Variants in PGBD5 observed in about 807,000 individuals in gnomAD.
The protein encoded by PGBD5 is piggyBac transposable element-derived protein 5.
PGBD5 carries 14 observed loss-of-function variants against 47.9 expected under a neutral mutation model. The observed-to-expected ratio is 0.29, with a 90% CI of 0.19 to 0.46. PGBD5 has a LOEUF of 0.46. PGBD5 is among the 20% of genes least tolerant of loss of function. PGBD5 has a pLI of 1.00. For synonymous variants in PGBD5, 316 were observed against 306.3 expected (o/e 1.03, Z -0.33); for missense variants, 635 against 716.0 (o/e 0.89, Z 1.29).
At chr1:230,387,448 A>G (rs1656666963) in intron 1 of PGBD5, among the ~76,000 whole-genome samples, 1 of 152,178 alleles carries the variant, frequency 6.6e-6, no homozygotes. Flanking sequence ...GGCTTGGGGA[A>G]GCGCCTGTGG....
chr1:230,366,850 A>G (rs962372653), intron 1 of PGBD5, among the ~76,000 whole-genome samples: 4 of 152,186 alleles, frequency 2.6e-5, no homozygotes, highest in Non-Finnish European at 5.9e-5. Flanking sequence ...GCCGACGTAC[A>G]GATGGCTGTT....
chr1:230,373,514 T>C (rs1359330950), intron 1 of PGBD5, among the ~76,000 whole-genome samples: 1 of 152,132 alleles, frequency 6.6e-6, no homozygotes, highest in East Asian at 1.9e-4. Flanking sequence ...AAGACACTGT[T>C]TCTCCCCAAA....
intron 1 of PGBD5, among the ~76,000 whole-genome samples, chr1:230,370,495 G>C (rs828440): frequency 0.71 from 108,708 of 152,118 alleles, 39,268 homozygotes; most frequent in Non-Finnish European, 0.74. Context: ...TTTATGTGCA[G>C]GCTTGTGTTC....
Position 230,323,337 on chromosome 1 carries a change from C to G in PGBD5, c.*88G>C. Reference sequence around the variant, plus strand: ...CCAGGCAGCAAGCCACACACCAGGCCGTGTCCGGGTCTCTGATGGGCAAGT... The same window carrying G: ...CCAGGCAGCAAGCCACACACCAGGCGGTGTCCGGGTCTCTGATGGGCAAGT... On this transcript the variant is annotated 3_prime_UTR_variant, in exon 7 of 7. Coordinates refer to ENST00000391860, the MANE Select transcript of PGBD5 (RefSeq NM_001258311.2). The surrounding 1 kb of genome is among the most constrained non-coding windows in gnomAD (Gnocchi z 4.1). The G allele has an allele frequency of 2.0e-6, 3 of 1,476,296 alleles. No homozygotes were observed. Among genetic ancestry groups the G allele is most frequent in the Admixed American group, 3.9e-5 (2 of 51,420 alleles). 91.4% of individuals were successfully genotyped at this position (1,476,296 alleles called of 1,614,324 possible).
chr1:230,377,603 G>C lies in PGBD5; in HGVS notation c.332-20282C>G, dbSNP rs149364273. 4.5e-5 allele frequency: 70 copies of C among 1,562,360 alleles called. 1 individual carries two copies. The East Asian group carries it at 1.3e-3, about 28-fold the overall frequency. ...AGAGTACTTTGCACGAAGAGAGCTC[G>C]AGTTCTGTAGTCAGGCATATCTGAC... On this transcript the variant is annotated intron_variant, in intron 1 of 6. Transcript: ENST00000391860.
chr1:230,419,774 T>A (rs1657606607), intron 1 of PGBD5, among the ~76,000 whole-genome samples: 1 of 152,190 alleles, frequency 6.6e-6, no homozygotes. Context: ...GCAAAATCCT[T>A]ACCTCAATAT....
intron 1 of PGBD5, among the ~76,000 whole-genome samples, chr1:230,398,264 A>G (rs1236720369): frequency 6.6e-6 from 1 of 152,194 alleles, no homozygotes; most frequent in African/African-American, 2.4e-5. Flanking sequence ...GAACTTTATT[A>G]TCTCACAGTG....
chr1:230,408,128 G>C (rs956022601), intron 1 of PGBD5, among the ~76,000 whole-genome samples: 1 of 151,888 alleles, frequency 6.6e-6, no homozygotes, highest in Non-Finnish European at 1.5e-5. Context: ...ATGTGTGGTA[G>C]AGTGACTACA....
At chr1:230,327,375 GC>G (rs1368575808) in intron 5 of PGBD5, among the ~76,000 whole-genome samples, 1 of 152,212 alleles carries the variant, frequency 6.6e-6, no homozygotes, top group Non-Finnish European at 1.5e-5. Flanking sequence ...AGGGACCGTG[GC>G]TGAGGAGACC....
chr1:230,360,521 G>A (rs1014605502), intron 1 of PGBD5, among the ~76,000 whole-genome samples: 11 of 152,082 alleles, frequency 7.2e-5, no homozygotes, highest in East Asian at 1.9e-4. Context: ...TCATGGGGGC[G>A]GGTCCCCCAT....
rs1273388072 is a variant in PGBD5 at position 230,323,183 on chromosome 1, G to C, written c.*242C>G. On this transcript the variant is annotated 3_prime_UTR_variant, in exon 7 of 7. Transcript: ENST00000391860. The surrounding 1 kb of genome is among the most constrained non-coding windows in gnomAD (Gnocchi z 4.1). ...AGAATCTGCCCTTGAGAACGTGGGT[G>C]TAAGTGCTCATCACACCGGCGGCAC... 1 of 525,250 alleles carries C rather than the reference G, an allele frequency of 1.9e-6. No homozygotes were observed. The highest frequency in any genetic ancestry group is 3.4e-6 in the Non-Finnish European group (1 of 295,738). 32.5% of individuals were successfully genotyped at this position (525,250 alleles called of 1,614,324 possible).
In PGBD5 at chr1:230,325,355, G is replaced by C. The variant is rs1269104887; in HGVS notation, c.1334C>G (p.Ala445Gly). ...TCTGCAGATGTAGCTCAGGTGAGCG[G>C]CAAACGCCTCCACGGCCAAGGGGCA... ...IPCPLAVEAF[A>G]AHLSYICRYD... Residue 445 changes from alanine (A) to glycine (G), a missense_variant, in exon 6 of 7, where the codon GCC becomes GGC. Ala to Gly is a moderately conservative substitution (Grantham distance 60, BLOSUM62 0). Coordinates refer to ENST00000391860, the MANE Select transcript of PGBD5 (RefSeq NM_001258311.2). 4.3e-6 allele frequency: 7 copies of C among 1,613,560 alleles called. No individual in the cohort carries two copies. The highest frequency in any genetic ancestry group is 5.9e-6 in the Non-Finnish European group (7 of 1,179,820).
chr1:230,349,061 A>G (rs1173671627), intron 3 of PGBD5, among the ~76,000 whole-genome samples: 1 of 152,230 alleles, frequency 6.6e-6, no homozygotes, highest in Non-Finnish European at 1.5e-5. Flanking sequence ...AACTTCTTAT[A>G]GATGTGGATT....
At chr1:230,390,888 C>T (rs763318402) in intron 1 of PGBD5, among the ~76,000 whole-genome samples, 2 of 152,074 alleles carry the variant, frequency 1.3e-5, no homozygotes, top group African/African-American at 2.4e-5. Flanking sequence ...TACAGGAACG[C>T]ACCACCACAG....
At chr1:230,415,881 A>G (rs1657501245) in intron 1 of PGBD5, among the ~76,000 whole-genome samples, 2 of 152,194 alleles carry the variant, frequency 1.3e-5, no homozygotes, top group Non-Finnish European at 2.9e-5. Flanking sequence ...GATTCTTCCT[A>G]GTCCCTTAAT....
At position 230,315,815 on chromosome 1, in the gene PGBD5, CATACATATAGAGGT is replaced by C. The variant is rs1666927804; in HGVS notation, c.*7596_*7609del. On this transcript the variant is annotated 3_prime_UTR_variant, in exon 7 of 7. Transcript: ENST00000391860. ...ATATGTATACATATATGTATATGTGCATACATATAGAGGTATACATATAGATGCATATCTGTATA... is the reference window on the plus strand; with the variant it reads ...ATATGTATACATATATGTATATGTGCATACATATAGATGCATATCTGTATA... The C allele has an allele frequency of 2.4e-5, 2 of 84,198 alleles. No individual in the cohort carries two copies. Among genetic ancestry groups the C allele is most frequent in the African/African-American group, 6.8e-5 (2 of 29,532 alleles). 5.2% of individuals were successfully genotyped at this position (84,198 alleles called of 1,614,324 possible).
Position 230,357,362 on chromosome 1 carries a change from G to A in PGBD5, c.332-41C>T, listed in dbSNP as rs745978060. On this transcript the variant is annotated intron_variant, in intron 1 of 6. Coordinates refer to ENST00000391860, the MANE Select transcript of PGBD5 (RefSeq NM_001258311.2). The surrounding 1 kb of genome is among the most constrained non-coding windows in gnomAD (Gnocchi z 5.7). Reference sequence around the variant, plus strand: ...AGGTGGAGTGTTCCTTAGGACGGCCGCCACACCCTGACTCGACACGAGAAC... The same window carrying A: ...AGGTGGAGTGTTCCTTAGGACGGCCACCACACCCTGACTCGACACGAGAAC... The A allele has an allele frequency of 2.4e-5, 38 of 1,583,506 alleles. No homozygotes were observed. The Admixed American group carries it at 2.6e-4, about 11-fold the overall frequency.
chr1:230,413,869 T>C (rs1657462648), intron 1 of PGBD5, among the ~76,000 whole-genome samples: 1 of 152,208 alleles, frequency 6.6e-6, no homozygotes, highest in African/African-American at 2.4e-5. Context: ...CCCCAGTTTT[T>C]AACATAGTGC....
At chr1:230,352,997 G>C (rs1340648265) in intron 2 of PGBD5, among the ~76,000 whole-genome samples, 3 of 152,162 alleles carry the variant, frequency 2.0e-5, no homozygotes, top group Non-Finnish European at 4.4e-5. Flanking sequence ...TTGAACATAT[G>C]ATCAGTTGCA....
Sources: gnomAD v4.1 joint callset for allele counts (sites outside exome capture counted in the v4.1 genomes callset) on GRCh38, gnomAD v4.1.1 for gene constraint, Gnocchi (gnomAD v3.1) non-coding constraint, MANE v1.5 for transcripts, NCBI Gene and HGNC (gene_info 2026-07-23, HGNC 2026-07-21) for gene names.